Variants in MGAT5 observed in about 807,000 individuals in gnomAD.
The protein encoded by MGAT5 is alpha-1,6-mannosylglycoprotein 6-beta-N-acetylglucosaminyltransferase, also known as alpha-1,6-mannosylglycoprotein 6-beta-N-acetylglucosaminyltransferase A.
A neutral mutation model predicts 94.3 loss-of-function variants in MGAT5; 30 were observed. The ratio of observed to expected loss-of-function variants is 0.32; its 90% CI spans 0.24 to 0.43. MGAT5 has a LOEUF of 0.43. Ranked by LOEUF, MGAT5 falls within the 20% of genes least tolerant of loss-of-function variation. The pLI is 1.00. For synonymous variants in MGAT5, 310 were observed against 322.9 expected, an observed-to-expected ratio of 0.96 and a Z score of 0.43; for missense variants, 691 against 905.5, an observed-to-expected ratio of 0.76 and a Z score of 3.04.
intron 1 of MGAT5, among the ~76,000 whole-genome samples, chr2:134,255,599 G>T (rs1682914107): frequency 6.6e-6 from 1 of 152,032 alleles, no homozygotes; most frequent in Non-Finnish European, 1.5e-5. Flanking sequence ...ATCATGCTGT[G>T]TTTTGCAGAG....
chr2:134,260,410 A>G (rs1383808812), intron 1 of MGAT5, among the ~76,000 whole-genome samples: 1 of 152,134 alleles, frequency 6.6e-6, no homozygotes, highest in African/African-American at 2.4e-5. Context: ...TTGGGATGCT[A>G]TGTCTAAGAT....
In MGAT5 at chr2:134,338,315, A is replaced by T. The variant is rs1177683025; in HGVS notation, c.702A>T (p.Glu234Asp). ...ACAGTATGATGAAAAAGCATGAAGA[A>T]TTCCGGTGGATGAGACTACGGATCC... The part of the protein sequence containing the change: ...ILYSMMKKHE[E>D]FRWMRLRIRR... Residue 234 changes from glutamate to aspartate, a missense_variant, in exon 6 of 16, where the codon GAA (glutamate) becomes GAT (aspartate). Transcript: ENST00000281923. The T allele has an allele frequency of 1.2e-6, 2 of 1,613,208 alleles. No homozygotes were observed. The highest frequency in any genetic ancestry group is 1.3e-5 in the African/African-American group (1 of 74,886).
At chr2:134,213,475 C>T (rs1680310740) in intron 1 of MGAT5, among the ~76,000 whole-genome samples, 1 of 152,140 alleles carries the variant, frequency 6.6e-6, no homozygotes, top group African/African-American at 2.4e-5. Context: ...CAGGTAATAA[C>T]TGGATGTCCT....
At chr2:134,392,344 G>A (rs1682462411) in intron 10 of MGAT5, among the ~76,000 whole-genome samples, 1 of 152,140 alleles carries the variant, frequency 6.6e-6, no homozygotes. Flanking sequence ...ATTTCAAGAG[G>A]CATGTGATTT....
rs115166209 is a variant in MGAT5, at chr2:134,165,967, G to T, written c.-143+45676G>T. Among the ~76,000 whole-genome samples, 1,157 of 152,232 alleles carry T rather than the reference G, an allele frequency of 7.6e-3. 11 individuals are homozygous for T. Among genetic ancestry groups the T allele is most frequent in the African/African-American group, 0.026 (1,062 of 41,540 alleles). On this transcript the variant is annotated intron_variant, in intron 1 of 16. Transcript: ENST00000409645. ...GTATGAAAAATAGTACCTCAAAGAG[G>T]TACAGCTATGTTTGATAACTTGCCT...
At chr2:134,244,933 A>C (rs1378347768) in intron 1 of MGAT5, among the ~76,000 whole-genome samples, 1 of 152,186 alleles carries the variant, frequency 6.6e-6, no homozygotes, top group Non-Finnish European at 1.5e-5. Context: ...AGTTGTGCAA[A>C]GATTGAGAAA....
chr2:134,403,174 G>A, intron 11 of MGAT5, 37 bp downstream of exon 11: 1 of 1,560,272 alleles, frequency 6.4e-7, no homozygotes, highest in Non-Finnish European at 8.6e-7. Context: ...TCAGGTTATT[G>A]CCATTGGCTG....
chr2:134,120,500 G>T (rs2104855583), intron 1 of MGAT5, among the ~76,000 whole-genome samples: 1 of 151,816 alleles, frequency 6.6e-6, no homozygotes, highest in South Asian at 2.1e-4. Context: ...CAGGACGCCG[G>T]AGTGGAGCCG....
chr2:134,336,148 C>A, intron 4 of MGAT5, 69 bp from the exon 5 acceptor site: 1 of 1,255,320 alleles, frequency 8.0e-7, no homozygotes, highest in South Asian at 1.2e-5. Flanking sequence ...GAGCTGTTCT[C>A]GGTGCTTTTT....
intron 1 of MGAT5, among the ~76,000 whole-genome samples, chr2:134,193,115 T>C (rs1679308272): frequency 7.1e-6 from 1 of 141,102 alleles, no homozygotes; most frequent in Admixed American, 7.4e-5. Context: ...TATTTTTATT[T>C]TTATTTTTTA....
chr2:134,282,845 T>A (rs1300196172), intron 2 of MGAT5, among the ~76,000 whole-genome samples: 2 of 152,112 alleles, frequency 1.3e-5, no homozygotes, highest in African/African-American at 4.8e-5. Context: ...TATTATTGAG[T>A]GAGGGAGGCC....
At chr2:134,404,643 A>G (rs1195670499) in intron 11 of MGAT5, among the ~76,000 whole-genome samples, 1 of 152,212 alleles carries the variant, frequency 6.6e-6, no homozygotes, top group Non-Finnish European at 1.5e-5. Context: ...TCTTTGCCTC[A>G]GTTTCTCCAT....
In MGAT5 at chr2:134,449,076, CACA is replaced by C. The variant is rs1017115329; in HGVS notation, c.*233_*235del. On this transcript the variant is annotated 3_prime_UTR_variant, in exon 16 of 16. Coordinates refer to ENST00000281923, the MANE Select transcript of MGAT5 (RefSeq NM_002410.5). ...GGCCAGGAGCCTGGCTTGTCCCTGG[CACA>C]ACATCATTTCTGTTTCTCAAGGAGC... 1.2e-5 allele frequency: 7 copies of C among 563,082 alleles called. No individual in the cohort carries two copies. The highest frequency in any genetic ancestry group is 5.6e-5 in the African/African-American group (3 of 53,346). The allele number at this position is 563,082 out of a possible 1,614,324, so 34.9% of individuals were successfully genotyped here. A position where few individuals can be genotyped will look rare whatever the true frequency, so the allele number is the denominator to read the frequency against.
At chr2:134,174,957 G>C (rs1688388851) in intron 1 of MGAT5, among the ~76,000 whole-genome samples, 1 of 152,216 alleles carries the variant, frequency 6.6e-6, no homozygotes, top group South Asian at 2.1e-4. Context: ...AAGTGGCTCA[G>C]AATCCCCACG....
chr2:134,252,033 G>T (rs1244475008), upstream of MGAT5, among the ~76,000 whole-genome samples: 1 of 152,178 alleles, frequency 6.6e-6, no homozygotes, highest in African/African-American at 2.4e-5. Flanking sequence ...TGTCCTTCGG[G>T]TATATCCCTG....
chr2:134,154,128 T>C (rs559116209), intron 1 of MGAT5, among the ~76,000 whole-genome samples: 43 of 152,338 alleles, frequency 2.8e-4, no homozygotes, highest in African/African-American at 9.9e-4. Flanking sequence ...TTTCCACTTA[T>C]AATACATAGA....
intron 4 of MGAT5, among the ~76,000 whole-genome samples, chr2:134,325,535 A>G (rs1687592030): frequency 1.3e-5 from 2 of 152,088 alleles, no homozygotes; most frequent in Admixed American, 6.6e-5. Context: ...CTCAAGCATC[A>G]TATCATCTGT....
intron 10 of MGAT5, among the ~76,000 whole-genome samples, chr2:134,371,482 T>C (rs1210886809): frequency 6.6e-6 from 1 of 152,174 alleles, no homozygotes; most frequent in Admixed American, 6.5e-5. Context: ...GCTGGTTTTT[T>C]CTCCTTGTCA....
chr2:134,297,584 A>T (rs1183198539), intron 2 of MGAT5, among the ~76,000 whole-genome samples: 4 of 152,214 alleles, frequency 2.6e-5, no homozygotes, highest in Admixed American at 6.6e-5. Flanking sequence ...TTGGTTTAAC[A>T]TTCAGAAATC....
Sources: allele counts gnomAD v4.1 joint callset (sites outside exome capture counted in the v4.1 genomes callset), GRCh38; gene constraint gnomAD v4.1.1; transcripts MANE v1.5; gene names NCBI Gene and HGNC (gene_info 2026-07-23, HGNC 2026-07-21).